PLEKHA8: variants seen among roughly 807,000 people sequenced by gnomAD.
The protein encoded by PLEKHA8 is pleckstrin homology domain-containing family A member 8.
Under a neutral mutation model 68.2 loss-of-function variants are expected in PLEKHA8, and 36 were observed. That is an observed-to-expected ratio of 0.53 (90% CI 0.40 to 0.70). The LOEUF (loss-of-function observed/expected upper bound fraction) is 0.70, where lower values mean the gene tolerates loss of function less well. Ranked by LOEUF, PLEKHA8 falls within the 30% of genes least tolerant of loss-of-function variation. PLEKHA8 has a pLI of 0.00. For synonymous variants in PLEKHA8, 211 were observed against 216.1 expected, an observed-to-expected ratio of 0.98 and a Z score of 0.20; for missense variants, 505 against 615.4, an observed-to-expected ratio of 0.82 and a Z score of 1.90.
At chr7:30,058,476 T>A (rs1406543478) in intron 9 of PLEKHA8, among the ~76,000 whole-genome samples, 10 of 151,168 alleles carry the variant, frequency 6.6e-5, no homozygotes, top group Non-Finnish European at 1.0e-4. Flanking sequence ...AGGTTCTTTT[T>A]TTTTTTTTTT....
intron 12 of PLEKHA8, among the ~76,000 whole-genome samples, chr7:30,066,757 A>G (rs1404878657): frequency 2.0e-5 from 3 of 152,224 alleles, no homozygotes; most frequent in Non-Finnish European, 4.4e-5. Flanking sequence ...ATTGCCACAT[A>G]TCTCATCTCA....
chr7:30,081,541 T>C lies in PLEKHA8; in HGVS notation c.*2754T>C, dbSNP rs1794930031. On this transcript the variant is annotated 3_prime_UTR_variant, in exon 14 of 14. Coordinates refer to ENST00000449726, the MANE Select transcript of PLEKHA8 (RefSeq NM_001197026.2). ...GAAGAGGGCAATGAGAAAAGATATT[T>C]AAAGCTTTCTCTCCATAGCCCTCCA... is the stretch of plus-strand genomic sequence containing the variant. The C allele has an allele frequency of 2.0e-6, 2 of 984,942 alleles. No individual in the cohort carries two copies. Among genetic ancestry groups the C allele is most frequent in the Non-Finnish European group, 2.4e-6 (2 of 829,594 alleles). The allele number at this position is 984,942 out of a possible 1,614,324, so 61.0% of individuals were successfully genotyped here.
At position 30,030,231 on chromosome 7, in the gene PLEKHA8, T is replaced by C. The variant is rs548127162; in HGVS notation, c.40+1429T>C. On this transcript the variant is annotated intron_variant, in intron 1 of 13. Transcript: ENST00000449726. ...TCCTTTCCATTACACACACTTTTTT[T>C]CATTCATCTTCAACATTCTTCTTTT... 3.9e-5 allele frequency among the ~76,000 whole-genome samples: 6 copies of C among 152,340 alleles called. No individual in the cohort carries two copies. The South Asian group carries it at 6.2e-4, about 16-fold the overall frequency.
intron 13 of PLEKHA8, among the ~76,000 whole-genome samples, chr7:30,112,618 G>C (rs959374412): frequency 1.6e-4 from 25 of 152,186 alleles, no homozygotes; most frequent in Non-Finnish European, 3.1e-4. Context: ...GGGAAGCTGA[G>C]GTGGGAGGAT....
chr7:30,121,392 G>A lies in PLEKHA8; in HGVS notation c.1363-7874G>A, dbSNP rs570166471. The stretch of plus-strand genomic sequence containing the variant: ...ACCTGTAATTCCAGCATTTTGGGTC[G>A]CTGAGGCGGGCAGATCACTTGAGAT... On this transcript the variant is annotated intron_variant, in intron 13 of 13. Transcript: ENST00000396257. Among the ~76,000 whole-genome samples the A allele has an allele frequency of 3.4e-3, 513 of 152,228 alleles. 3 individuals are homozygous for A. Among genetic ancestry groups the A allele is most frequent in the African/African-American group, 0.012 (491 of 41,544 alleles).
At chr7:30,102,496 C>G (rs1562550640) in intron 13 of PLEKHA8, among the ~76,000 whole-genome samples, 1 of 152,134 alleles carries the variant, frequency 6.6e-6, no homozygotes, top group Non-Finnish European at 1.5e-5. Context: ...GCATTATTCA[C>G]AGTAGCCAGA....
Position 30,079,920 on chromosome 7 carries a change from A to G in PLEKHA8, c.*1133A>G. 1.0e-6 allele frequency: 1 copy of G among 980,526 alleles called. No homozygotes were observed. Among genetic ancestry groups the G allele is most frequent in the Non-Finnish European group, 1.2e-6 (1 of 826,936 alleles). The allele number at this position is 980,526 out of a possible 1,614,324, so 60.7% of individuals were successfully genotyped here. On this transcript the variant is annotated 3_prime_UTR_variant, in exon 14 of 14. Transcript: ENST00000449726. ...GTCCTTTTTTTTTTTTTCAAAGAGG[A>G]TAAGGCTGCTATTTAAATAAAATAG...
At chr7:30,028,933 AT>A in intron 1 of PLEKHA8, 131 bp downstream of exon 1, 1 of 1,051,768 alleles carries the variant, frequency 9.5e-7, no homozygotes, top group Non-Finnish European at 1.2e-6. Context: ...GAGCGGGAGT[AT>A]TTCCCAAAGC....
At chr7:30,055,367 A>G (rs765899372) in intron 9 of PLEKHA8, 25 bp downstream of exon 9, 6 of 1,595,554 alleles carry the variant, frequency 3.8e-6, no homozygotes, top group Non-Finnish European at 5.2e-6. Flanking sequence ...GTTGCCTTAC[A>G]TTCATTCATG....
chr7:30,064,027 T>G (rs764647440), intron 12 of PLEKHA8, among the ~76,000 whole-genome samples: 20 of 152,248 alleles, frequency 1.3e-4, no homozygotes, highest in Admixed American at 3.9e-4. Flanking sequence ...TCATGCCCCC[T>G]AGCCAGTATC....
intron 13 of PLEKHA8, among the ~76,000 whole-genome samples, chr7:30,126,718 G>A (rs1429275531): frequency 6.6e-6 from 1 of 152,216 alleles, no homozygotes; most frequent in East Asian, 1.9e-4. Flanking sequence ...AATCATGGTG[G>A]AAGGTGAAAG....
At chr7:30,111,420 T>A (rs1348248825) in intron 13 of PLEKHA8, among the ~76,000 whole-genome samples, 1 of 152,242 alleles carries the variant, frequency 6.6e-6, no homozygotes, top group Non-Finnish European at 1.5e-5. Context: ...GATCTTTTTC[T>A]AGATTGTTTT....
At chr7:30,060,283 A>G (rs1793333851) in intron 9 of PLEKHA8, among the ~76,000 whole-genome samples, 1 of 152,080 alleles carries the variant, frequency 6.6e-6, no homozygotes, top group Admixed American at 6.6e-5. Context: ...TCTACTGAAA[A>G]TACAAAAATT....
In PLEKHA8 at chr7:30,079,484, T is replaced by A; in HGVS notation, c.*697T>A. 1 of 985,180 alleles carries A rather than the reference T, an allele frequency of 1.0e-6. No homozygotes were observed. Among genetic ancestry groups the A allele is most frequent in the Non-Finnish European group, 1.2e-6 (1 of 829,758 alleles). The allele number at this position is 985,180 out of a possible 1,614,324, so 61.0% of individuals were successfully genotyped here. ...AATATGAGAGAGGTGGGACAGGTCATTTGAGATGACACCTCCCAACTGCCT... is the reference window on the plus strand; with the variant it reads ...AATATGAGAGAGGTGGGACAGGTCAATTGAGATGACACCTCCCAACTGCCT... On this transcript the variant is annotated 3_prime_UTR_variant, in exon 14 of 14. Coordinates refer to ENST00000449726, the MANE Select transcript of PLEKHA8 (RefSeq NM_001197026.2).
chr7:30,043,655 G>A (rs1174128393), intron 1 of PLEKHA8, among the ~76,000 whole-genome samples: 2 of 152,174 alleles, frequency 1.3e-5, no homozygotes, highest in Non-Finnish European at 2.9e-5. Flanking sequence ...AGCAAAATAT[G>A]TTGCCTACCT....
chr7:30,029,182 A>G (rs182140926), intron 1 of PLEKHA8, among the ~76,000 whole-genome samples: 36 of 152,326 alleles, frequency 2.4e-4, no homozygotes, highest in Admixed American at 2.0e-3. Flanking sequence ...GCTCGCAGCT[A>G]GGTTGGAAGG....
At position 30,079,146 on chromosome 7, in the gene PLEKHA8, A is replaced by G. The variant is rs753204812; in HGVS notation, c.*359A>G. ...CCCAAACCCAAGCTGAAAATCAGCAAATTCCATATTAAGTACCATAATTCA... is the reference window on the plus strand; with the variant it reads ...CCCAAACCCAAGCTGAAAATCAGCAGATTCCATATTAAGTACCATAATTCA... On this transcript the variant is annotated 3_prime_UTR_variant, in exon 14 of 14. Coordinates refer to ENST00000449726, the MANE Select transcript of PLEKHA8 (RefSeq NM_001197026.2). The G allele has an allele frequency of 2.0e-6, 2 of 1,020,772 alleles. No homozygotes were observed. The highest frequency in any genetic ancestry group is 3.4e-5 in the African/African-American group (2 of 58,158). 63.2% of individuals were successfully genotyped at this position (1,020,772 alleles called of 1,614,324 possible).
chr7:30,084,383 G>A lies in PLEKHA8; in HGVS notation c.*5596G>A, dbSNP rs1468612763. The A allele has an allele frequency of 1.4e-5, 14 of 985,210 alleles. No individual in the cohort carries two copies. The highest frequency in any genetic ancestry group is 1.6e-5 in the Non-Finnish European group (13 of 829,890). 61.0% of individuals were successfully genotyped at this position (985,210 alleles called of 1,614,324 possible). The stretch of plus-strand genomic sequence containing the variant: ...ATGAGCATCATAATCAGAGTAGAAG[G>A]CAAGTTAAACTATAAAAGTGTCAAG... On this transcript the variant is annotated 3_prime_UTR_variant, in exon 14 of 14. Transcript: ENST00000449726.
At position 30,046,204 on chromosome 7, in the gene PLEKHA8, T is replaced by C; in HGVS notation, c.158-6T>C. ...AGTCTCTGATCTCCCTCTGTCTTGC[T>C]CCCAGTTCATTCTGTAGATAATACA... On this transcript the variant is annotated splice_polypyrimidine_tract_variant and splice_region_variant and intron_variant, in intron 2 of 13. Coordinates refer to ENST00000449726, the MANE Select transcript of PLEKHA8 (RefSeq NM_001197026.2). The C allele has an allele frequency of 6.3e-7, 1 of 1,590,958 alleles. No individual in the cohort carries two copies. Among genetic ancestry groups the C allele is most frequent in the Non-Finnish European group, 8.6e-7 (1 of 1,168,486 alleles).
Sources: gnomAD v4.1 joint callset for allele counts (sites outside exome capture counted in the v4.1 genomes callset) on GRCh38, gnomAD v4.1.1 for gene constraint, MANE v1.5 for transcripts, NCBI Gene and HGNC (gene_info 2026-07-23, HGNC 2026-07-21) for gene names.